BMP6: variants seen among roughly 807,000 people sequenced by gnomAD.
BMP6 encodes the protein bone morphogenetic protein 6.
In BMP6, 17 loss-of-function variants were observed where a neutral mutation model predicts 54.1. That is an observed-to-expected ratio of 0.31 (90% CI 0.22 to 0.47). BMP6 has a LOEUF of 0.47. BMP6 is among the 20% of genes least tolerant of loss of function. The pLI is 1.00. For missense variants in BMP6, 720 were observed against 690.4 expected, an observed-to-expected ratio of 1.04 and a Z score of -0.48; for synonymous variants, 328 against 291.2, an observed-to-expected ratio of 1.13 and a Z score of -1.28.
chr6:7,767,335 A>G (rs1371456164), intron 1 of BMP6, among the ~76,000 whole-genome samples: 1 of 152,152 alleles, frequency 6.6e-6, no homozygotes, highest in Non-Finnish European at 1.5e-5. Flanking sequence ...GATAGCAACA[A>G]TCTTCCAATG....
intron 1 of BMP6, among the ~76,000 whole-genome samples, chr6:7,743,913 G>A (rs998884241): frequency 4.6e-5 from 7 of 152,208 alleles, no homozygotes; most frequent in African/African-American, 1.7e-4. Flanking sequence ...CTTCCTTCAT[G>A]TTGATTTCTA....
intron 1 of BMP6, among the ~76,000 whole-genome samples, chr6:7,768,234 T>G (rs1757722455): frequency 6.6e-6 from 1 of 152,146 alleles, no homozygotes; most frequent in African/African-American, 2.4e-5. Context: ...AAAGGATTTT[T>G]CTCCCACATT....
chr6:7,874,351 G>C (rs1337636031), intron 4 of BMP6, among the ~76,000 whole-genome samples: 1 of 152,174 alleles, frequency 6.6e-6, no homozygotes, highest in Non-Finnish European at 1.5e-5. Context: ...GGTGAAGCAG[G>C]CTGCTTCCTC....
rs1423417186 is a variant in BMP6, at chr6:7,881,225, A to G, written c.*882A>G. 4 of 152,644 alleles carry G rather than the reference A, an allele frequency of 2.6e-5. No homozygotes were observed. The highest frequency in any genetic ancestry group is 9.7e-5 in the African/African-American group (4 of 41,450). The allele number at this position is 152,644 out of a possible 1,614,324, so 9.5% of individuals were successfully genotyped here. A position where few individuals can be genotyped will look rare whatever the true frequency, so the allele number is the denominator to read the frequency against. On this transcript the variant is annotated 3_prime_UTR_variant, in exon 7 of 7. Transcript: ENST00000283147. ...CAGGGTTAGAACCAACGAAGAAAATAAAATGAGGGTGCCCAGCTTATAAGA... is the reference window on the plus strand; with the variant it reads ...CAGGGTTAGAACCAACGAAGAAAATGAAATGAGGGTGCCCAGCTTATAAGA...
chr6:7,847,213 G>A (rs889881368), intron 2 of BMP6, among the ~76,000 whole-genome samples: 3 of 152,176 alleles, frequency 2.0e-5, no homozygotes, highest in Non-Finnish European at 4.4e-5. Context: ...GCGGAGAGTT[G>A]TAGTTTCTTT....
chr6:7,866,917 C>A (rs761780804), intron 4 of BMP6, among the ~76,000 whole-genome samples: 1 of 152,184 alleles, frequency 6.6e-6, no homozygotes, highest in Non-Finnish European at 1.5e-5. Context: ...GTTGGCCAGA[C>A]TGGAGTGCAA....
intron 1 of BMP6, among the ~76,000 whole-genome samples, chr6:7,764,202 G>T (rs1353747973): frequency 6.6e-6 from 1 of 152,148 alleles, no homozygotes; most frequent in Non-Finnish European, 1.5e-5. Context: ...TGATGAGTGT[G>T]GGAAGATTGG....
chr6:7,845,097 T>G, intron 1 of BMP6, 43 bp from the exon 2 acceptor site: 2 of 1,546,808 alleles, frequency 1.3e-6, no homozygotes, highest in Non-Finnish European at 1.8e-6. Flanking sequence ...TGGCACTTAG[T>G]CAAGTAACAA....
chr6:7,846,697 TCTCA>T (rs1179728825), intron 2 of BMP6, among the ~76,000 whole-genome samples: 23 of 152,332 alleles, frequency 1.5e-4, no homozygotes, highest in African/African-American at 4.6e-4. Context: ...GATATCTGAT[TCTCA>T]CTCCTAAATA....
At chr6:7,879,001 ACTCT>A in intron 4 of BMP6, 69 bp from the exon 5 acceptor site, 1 of 1,462,706 alleles carries the variant, frequency 6.8e-7, no homozygotes, top group Non-Finnish European at 9.6e-7. Context: ...CATGTGGTAA[ACTCT>A]CTATGAAGGA....
intron 1 of BMP6, among the ~76,000 whole-genome samples, chr6:7,801,738 G>A (rs1386880715): frequency 3.3e-5 from 5 of 152,240 alleles, no homozygotes; most frequent in African/African-American, 1.2e-4. Context: ...CATGAACACA[G>A]ATGCCTTCTG....
At chr6:7,872,721 C>G (rs1040209742) in intron 4 of BMP6, among the ~76,000 whole-genome samples, 50 of 152,204 alleles carry the variant, frequency 3.3e-4, no homozygotes, top group African/African-American at 1.1e-3. Flanking sequence ...AACTGGAAAT[C>G]CAGACATGAA....
intron 1 of BMP6, among the ~76,000 whole-genome samples, chr6:7,747,401 C>T (rs986550143): frequency 3.3e-5 from 5 of 152,116 alleles, no homozygotes; most frequent in African/African-American, 4.8e-5. Flanking sequence ...AAGAGGGACT[C>T]GAAACATGAG....
chr6:7,806,144 G>A (rs1458623492), intron 1 of BMP6, among the ~76,000 whole-genome samples: 1 of 152,226 alleles, frequency 6.6e-6, no homozygotes, highest in Non-Finnish European at 1.5e-5. Flanking sequence ...CCTCCTGGGG[G>A]CCCCGACATG....
At chr6:7,864,333 C>T (rs1759383801) in intron 4 of BMP6, among the ~76,000 whole-genome samples, 1 of 152,186 alleles carries the variant, frequency 6.6e-6, no homozygotes, top group African/African-American at 2.4e-5. Flanking sequence ...TCCATTTACT[C>T]ATCTGTAAGA....
chr6:7,727,101 G>A lies in BMP6; in HGVS notation c.146G>A (p.Ser49Asn). ...GGGCAGCTGCTGGGGGACGGCGGGA[G>A]CCCCGGCCGCACGGAGCAGCCGCCG... ...AGGQLLGDGGSPGRTEQPPPS... is the reference protein window; with the variant it reads ...AGGQLLGDGGNPGRTEQPPPS... Residue 49 changes from serine to asparagine, a missense_variant, in exon 1 of 7, where the codon AGC becomes AAC. Transcript: ENST00000283147. 3 of 1,403,344 alleles carry A rather than the reference G, an allele frequency of 2.1e-6. No individual in the cohort carries two copies. Among genetic ancestry groups the A allele is most frequent in the South Asian group, 1.6e-5 (1 of 62,802 alleles). 86.9% of individuals were successfully genotyped at this position (1,403,344 alleles called of 1,614,324 possible). A position where few individuals can be genotyped will look rare whatever the true frequency, so the allele number is the denominator to read the frequency against.
chr6:7,761,567 G>A (rs1488035602), intron 1 of BMP6, among the ~76,000 whole-genome samples: 1 of 152,204 alleles, frequency 6.6e-6, no homozygotes, highest in Non-Finnish European at 1.5e-5. Flanking sequence ...TGGAAGGATG[G>A]AATGGCCGGA....
At chr6:7,840,839 G>T (rs532374754) in intron 1 of BMP6, among the ~76,000 whole-genome samples, 2 of 152,032 alleles carry the variant, frequency 1.3e-5, no homozygotes, top group Non-Finnish European at 1.5e-5. Flanking sequence ...AGAACACAGC[G>T]CCGCATTCAG....
chr6:7,838,920 T>C (rs1260034061), intron 1 of BMP6, among the ~76,000 whole-genome samples: 3 of 129,260 alleles, frequency 2.3e-5, no homozygotes, highest in Middle Eastern at 4.4e-3. Context: ...CCAGCCTGGG[T>C]GACAGAGCGA....
Sources: gnomAD v4.1 joint callset for allele counts (sites outside exome capture counted in the v4.1 genomes callset) on GRCh38, gnomAD v4.1.1 for gene constraint, MANE v1.5 for transcripts, NCBI Gene and HGNC (gene_info 2026-07-23, HGNC 2026-07-21) for gene names.